The following KCNMA1 variants were observed in gnomAD, a reference collection of about 807,000 sequenced individuals.
KCNMA1 encodes the protein Calcium-activated potassium channel subunit alpha-1.
A neutral mutation model predicts 140.0 loss-of-function variants in KCNMA1; 29 were observed. The ratio of observed to expected loss-of-function variants is 0.21; its 90% CI spans 0.15 to 0.28. The LOEUF (loss-of-function observed/expected upper bound fraction) is 0.28, where lower values mean the gene tolerates loss of function less well. KCNMA1 is among the 10% of genes least tolerant of loss of function. KCNMA1 has a pLI of 1.00. For missense variants in KCNMA1, 880 were observed against 1,602.2 expected (o/e 0.55, Z 7.70); for synonymous variants, 612 against 611.9 (o/e 1.00, Z 0.00).
At chr10:76,931,361 G>A (rs2059229856) in intron 23 of KCNMA1, among the ~76,000 whole-genome samples, 1 of 152,000 alleles carries the variant, frequency 6.6e-6, no homozygotes, top group South Asian at 2.1e-4. Context: ...TCTTAAATTT[G>A]TATATAAATA....
chr10:77,444,857 G>C (rs893695381), intron 1 of KCNMA1, among the ~76,000 whole-genome samples: 1 of 152,130 alleles, frequency 6.6e-6, no homozygotes, highest in Non-Finnish European at 1.5e-5. Flanking sequence ...CTGTGGTTGG[G>C]TCCTTGAAAA....
intron 3 of KCNMA1, among the ~76,000 whole-genome samples, chr10:77,200,038 C>T (rs951504403): frequency 6.6e-6 from 1 of 152,154 alleles, no homozygotes; most frequent in East Asian, 1.9e-4. Context: ...GCAACCTCTG[C>T]CTCCCAGGTT....
At chr10:77,405,828 G>A (rs973903952) in intron 1 of KCNMA1, among the ~76,000 whole-genome samples, 3 of 152,308 alleles carry the variant, frequency 2.0e-5, no homozygotes, top group Non-Finnish European at 2.9e-5. Context: ...AGGGGGCGGG[G>A]CAGAGGGAGG....
chr10:77,332,294 A>C (rs1012899014), intron 2 of KCNMA1, among the ~76,000 whole-genome samples: 6 of 152,160 alleles, frequency 3.9e-5, no homozygotes, highest in African/African-American at 9.7e-5. Flanking sequence ...TGAGCAAAAA[A>C]TCCATTTGTA....
intron 1 of KCNMA1, among the ~76,000 whole-genome samples, chr10:77,468,164 T>C (rs1315589135): frequency 3.9e-5 from 6 of 152,126 alleles, no homozygotes; most frequent in Non-Finnish European, 8.8e-5. Flanking sequence ...TGCACAACCA[T>C]GCCTGGCTAA....
At chr10:77,421,867 T>A (rs901656106) in intron 1 of KCNMA1, among the ~76,000 whole-genome samples, 1 of 152,166 alleles carries the variant, frequency 6.6e-6, no homozygotes, top group African/African-American at 2.4e-5. Context: ...TTCATAAAAA[T>A]TCACTGAATG....
At chr10:77,451,855 GA>G (rs1417158498) in intron 1 of KCNMA1, among the ~76,000 whole-genome samples, 3 of 152,096 alleles carry the variant, frequency 2.0e-5, no homozygotes, top group Non-Finnish European at 4.4e-5. Flanking sequence ...AAAGTTTGTG[GA>G]GAGTCACAAA....
chr10:77,637,359 A>G lies in KCNMA1; in HGVS notation c.284T>C (p.Met95Thr). Residue 95 changes from methionine (M) to threonine (T), a missense_variant, in exon 1 of 28, where the codon ATG becomes ACG. Transcript: ENST00000286628. ...GAAGAGGCCCCCGAAGAAAGTCACC[A>G]TGGAGGAGGCCAGGAAAGCCCACCA... The part of the protein sequence containing the change: ...RMWWAFLASS[M>T]VTFFGGLFII... 2 of 1,613,966 alleles carry G rather than the reference A, an allele frequency of 1.2e-6. No homozygotes were observed. The highest frequency in any genetic ancestry group is 1.7e-6 in the Non-Finnish European group (2 of 1,179,948).
intron 1 of KCNMA1, among the ~76,000 whole-genome samples, chr10:77,467,521 G>A (rs537390037): frequency 6.6e-6 from 1 of 152,202 alleles, no homozygotes; most frequent in Admixed American, 6.5e-5. Context: ...AGAATCCAGT[G>A]GCAGAACTCT....
chr10:77,548,124 T>C (rs1279250270), intron 1 of KCNMA1, among the ~76,000 whole-genome samples: 1 of 149,980 alleles, frequency 6.7e-6, no homozygotes, highest in African/African-American at 2.5e-5. Context: ...TAGTCTTATA[T>C]GGAGGGAAAA....
intron 19 of KCNMA1, among the ~76,000 whole-genome samples, chr10:76,971,974 GGTGTGTGTGTGT>G (rs57558756): frequency 6.7e-6 from 1 of 148,796 alleles, no homozygotes; most frequent in Non-Finnish European, 1.5e-5. Flanking sequence ...AGGGTGTGTG[GGTGTGTGTGTGT>G]GTGTGTGTGT....
At position 76,887,193 on chromosome 10, in the gene KCNMA1, T is replaced by C. The variant is rs1241769403; in HGVS notation, c.*73A>G. 1.3e-5 allele frequency: 21 copies of C among 1,613,108 alleles called. No individual in the cohort carries two copies. In the Admixed American group the frequency reaches 3.5e-4, roughly 27 times the overall value. On this transcript the variant is annotated 3_prime_UTR_variant, in exon 28 of 28. Transcript: ENST00000286628. ...GACTACAGGGGAAAACAGGGAAAGT[T>C]ACTTTGTTGGAAACACCAACTGGGG... is the stretch of plus-strand genomic sequence containing the variant.
intron 13 of KCNMA1, among the ~76,000 whole-genome samples, chr10:77,079,189 G>C (rs2096489992): frequency 6.6e-6 from 1 of 152,096 alleles, no homozygotes; most frequent in Non-Finnish European, 1.5e-5. Context: ...AGAATTGCTT[G>C]AACTTGGGAG....
At chr10:77,064,626 C>T (rs934193452) in intron 14 of KCNMA1, among the ~76,000 whole-genome samples, 2 of 152,170 alleles carry the variant, frequency 1.3e-5, no homozygotes, top group African/African-American at 4.8e-5. Context: ...ATAGTTTTCA[C>T]AGAAGTTACT....
At chr10:77,629,855 C>T (rs2092980714) in intron 1 of KCNMA1, among the ~76,000 whole-genome samples, 1 of 152,198 alleles carries the variant, frequency 6.6e-6, no homozygotes, top group African/African-American at 2.4e-5. Flanking sequence ...TGCAGGCCGC[C>T]ACGATGCTAG....
chr10:77,419,312 G>A (rs1026632737), intron 1 of KCNMA1, among the ~76,000 whole-genome samples: 6 of 152,168 alleles, frequency 3.9e-5, no homozygotes, highest in African/African-American at 1.2e-4. Context: ...TTGGAAAGAC[G>A]CCCCACGTCT....
intron 1 of KCNMA1, among the ~76,000 whole-genome samples, chr10:77,629,450 A>G (rs1362020651): frequency 6.6e-6 from 1 of 152,230 alleles, no homozygotes; most frequent in Admixed American, 6.5e-5. Flanking sequence ...GAGTTTCTCC[A>G]TAGCATCTAA....
intron 2 of KCNMA1, among the ~76,000 whole-genome samples, chr10:77,326,835 A>G (rs1194794855): frequency 1.3e-5 from 2 of 152,058 alleles, no homozygotes; most frequent in African/African-American, 4.8e-5. Flanking sequence ...TAAATAAATG[A>G]GTTTTCCAGA....
At chr10:77,627,624 C>A (rs941901572) in intron 1 of KCNMA1, among the ~76,000 whole-genome samples, 1 of 152,162 alleles carries the variant, frequency 6.6e-6, no homozygotes, top group East Asian at 1.9e-4. Context: ...CTCAACACTG[C>A]GGACATGGAA....
Sources: gnomAD v4.1 joint callset for allele counts (sites outside exome capture counted in the v4.1 genomes callset) on GRCh38, gnomAD v4.1.1 for gene constraint, MANE v1.5 for transcripts, NCBI Gene and HGNC (gene_info 2026-07-23, HGNC 2026-07-21) for gene names.